APPBP2: variants seen among roughly 807,000 people sequenced by gnomAD.
APPBP2 encodes the protein amyloid beta precursor protein binding protein 2.
Under a neutral mutation model 76.0 loss-of-function variants are expected in APPBP2, and 15 were observed. The observed-to-expected ratio is 0.20, with a 90% CI of 0.13 to 0.30. APPBP2 has a LOEUF of 0.30. APPBP2 is among the 10% of genes least tolerant of loss of function. The pLI, the probability that APPBP2 is intolerant of heterozygous loss-of-function variation, is 1.00. For missense variants in APPBP2, 401 were observed against 687.2 expected, an observed-to-expected ratio of 0.58 and a Z score of 4.66; for synonymous variants, 222 against 242.2, an observed-to-expected ratio of 0.92 and a Z score of 0.77.
intron 2 of APPBP2, among the ~76,000 whole-genome samples, chr17:60,495,097 G>A (rs958828397): frequency 2.0e-5 from 3 of 148,172 alleles, no homozygotes; most frequent in Admixed American, 7.0e-5. Context: ...CGATTCTCCC[G>A]CCTCAGCCTC....
At chr17:60,494,965 GTTT>G (rs991175876) in intron 2 of APPBP2, among the ~76,000 whole-genome samples, 1 of 125,654 alleles carries the variant, frequency 8.0e-6, no homozygotes, top group African/African-American at 4.8e-5. Flanking sequence ...AGATAGAAGA[GTTT>G]TTTTTGTTTT....
chr17:60,522,558 C>T (rs996442317), intron 1 of APPBP2, among the ~76,000 whole-genome samples: 5 of 152,230 alleles, frequency 3.3e-5, no homozygotes, highest in East Asian at 1.9e-4. Context: ...TGTGCTCAAG[C>T]GATCCTTCTG....
intron 4 of APPBP2, chr17:60,468,660 C>G (rs1288371983): frequency 6.6e-6 from 1 of 152,210 alleles, no homozygotes; most frequent in East Asian, 1.9e-4. Flanking sequence ...TCTTTAGGTT[C>G]TGTGTGTCCA....
chr17:60,451,761 G>A, intron 12 of APPBP2, 119 bp downstream of exon 12: 1 of 866,580 alleles, frequency 1.2e-6, no homozygotes, highest in South Asian at 1.9e-5. Context: ...TTACAGGTAT[G>A]AGCCACCGCA....
intron 1 of APPBP2, among the ~76,000 whole-genome samples, chr17:60,518,501 G>A (rs2090982629): frequency 8.3e-6 from 1 of 120,090 alleles, no homozygotes; most frequent in African/African-American, 7.7e-5. Context: ...ACCATGCCCA[G>A]CCGTGTGTGT....
intron 2 of APPBP2, among the ~76,000 whole-genome samples, chr17:60,495,130 A>C (rs1018695110): frequency 1.4e-5 from 2 of 146,798 alleles, no homozygotes; most frequent in African/African-American, 5.4e-5. Context: ...AACTACAGGT[A>C]CGTGTCACCA....
At chr17:60,469,120 G>A (rs1476219688) in intron 4 of APPBP2, among the ~76,000 whole-genome samples, 1 of 151,986 alleles carries the variant, frequency 6.6e-6, no homozygotes. Flanking sequence ...GATGTCAGGA[G>A]ATCGAGACCA....
intron 8 of APPBP2, 134 bp downstream of exon 8, chr17:60,461,673 AAAT>A: frequency 1.6e-6 from 1 of 609,818 alleles, no homozygotes; most frequent in Non-Finnish European, 2.9e-6. Context: ...ATACTTAATA[AAAT>A]AATGATGCAA....
In APPBP2 at chr17:60,456,400, C is replaced by A. The variant is rs368148457; in HGVS notation, c.1062-19G>T. The stretch of plus-strand genomic sequence containing the variant: ...ATGAAATCTGTAATACAGATAGATA[C>A]AGTCTGGCATTTCTTTTTAGTTACA... On this transcript the variant is annotated intron_variant, in intron 9 of 12. Coordinates refer to ENST00000083182, the MANE Select transcript of APPBP2 (RefSeq NM_006380.5). The A allele has an allele frequency of 1.4e-6, 2 of 1,450,768 alleles. No homozygotes were observed. The highest frequency in any genetic ancestry group is 1.4e-5 in the African/African-American group (1 of 71,716). The allele number at this position is 1,450,768 out of a possible 1,614,324, so 89.9% of individuals were successfully genotyped here. A position where few individuals can be genotyped will look rare whatever the true frequency, so the allele number is the denominator to read the frequency against.
At chr17:60,462,920 C>T (rs919490341) in intron 6 of APPBP2, among the ~76,000 whole-genome samples, 10 of 142,676 alleles carry the variant, frequency 7.0e-5, no homozygotes, top group Non-Finnish European at 1.5e-4. Context: ...CACTGCACTC[C>T]AGCCTGGGCG....
At chr17:60,525,416 C>T (rs1262343555) in intron 1 of APPBP2, among the ~76,000 whole-genome samples, 1 of 152,100 alleles carries the variant, frequency 6.6e-6, no homozygotes, top group Non-Finnish European at 1.5e-5. Context: ...AAAAGTCCAG[C>T]TGATGCTGAC....
chr17:60,471,055 C>A (rs2090548784), intron 4 of APPBP2, among the ~76,000 whole-genome samples: 2 of 152,012 alleles, frequency 1.3e-5, no homozygotes, highest in African/African-American at 4.8e-5. Context: ...CCTCAAACTC[C>A]CAAACTGCTT....
intron 4 of APPBP2, among the ~76,000 whole-genome samples, chr17:60,471,022 C>A (rs1463096780): frequency 2.0e-5 from 3 of 151,994 alleles, no homozygotes; most frequent in African/African-American, 7.2e-5. Flanking sequence ...GTCTCAAACT[C>A]CTGACCTCAG....
intron 3 of APPBP2, among the ~76,000 whole-genome samples, chr17:60,488,343 T>C (rs867254182): frequency 2.6e-5 from 4 of 152,188 alleles, no homozygotes; most frequent in Non-Finnish European, 2.9e-5. Context: ...ATATTATTTA[T>C]ATTAAATTCT....
At chr17:60,474,170 T>A (rs1567925736) in intron 4 of APPBP2, among the ~76,000 whole-genome samples, 2 of 151,880 alleles carry the variant, frequency 1.3e-5, no homozygotes, top group African/African-American at 2.4e-5. Context: ...AATTTCATTT[T>A]TTTTTTATTT....
intron 1 of APPBP2, among the ~76,000 whole-genome samples, chr17:60,519,244 T>C (rs2090988909): frequency 6.6e-6 from 1 of 151,274 alleles, no homozygotes; most frequent in Non-Finnish European, 1.5e-5. Context: ...ATTACAGGCA[T>C]GAGCCACTGC....
In APPBP2 at chr17:60,470,926, G is replaced by A. The variant is rs529507809; in HGVS notation, c.504-4467C>T. On this transcript the variant is annotated intron_variant, in intron 4 of 12. Transcript: ENST00000083182. Reference sequence around the variant, plus strand: ...CTGCCTCAGCCTCCTGAGTAGCTGGGATTACAGGTGTGCACCACCACGCCT... The same window carrying A: ...CTGCCTCAGCCTCCTGAGTAGCTGGAATTACAGGTGTGCACCACCACGCCT... 5.3e-5 allele frequency among the ~76,000 whole-genome samples: 8 copies of A among 152,028 alleles called. No individual in the cohort carries two copies. In the East Asian group the frequency reaches 9.7e-4, roughly 18 times the overall value.
intron 3 of APPBP2, among the ~76,000 whole-genome samples, chr17:60,492,271 A>G (rs1286302108): frequency 6.6e-6 from 1 of 152,184 alleles, no homozygotes; most frequent in Non-Finnish European, 1.5e-5. Flanking sequence ...GGTCCTCATG[A>G]AAAACCTCTG....
At chr17:60,490,759 A>C (rs2090722179) in intron 3 of APPBP2, among the ~76,000 whole-genome samples, 1 of 152,146 alleles carries the variant, frequency 6.6e-6, no homozygotes, top group South Asian at 2.1e-4. Flanking sequence ...TTCTTGTGGT[A>C]GTAAGTCTCA....
Sources: gnomAD v4.1 joint callset for allele counts (sites outside exome capture counted in the v4.1 genomes callset) on GRCh38, gnomAD v4.1.1 for gene constraint, MANE v1.5 for transcripts, NCBI Gene and HGNC (gene_info 2026-07-23, HGNC 2026-07-21) for gene names.